The following CAPZB variants were observed in gnomAD, a reference collection of about 807,000 sequenced individuals.
The protein encoded by CAPZB is capping actin protein of muscle Z-line subunit beta, also known as F-actin-capping protein subunit beta.
Under a neutral mutation model 38.1 loss-of-function variants are expected in CAPZB, and 2 were observed. That is an observed-to-expected ratio of 0.05 (90% confidence interval 0.02 to 0.17). The LOEUF is 0.17. Among genes scored for constraint, CAPZB ranks in the 10% least tolerant of loss-of-function variants. CAPZB has a pLI of 1.00. For synonymous variants in CAPZB, 107 were observed against 127.4 expected (o/e 0.84, Z 1.08); for missense variants, 161 against 334.2 (o/e 0.48, Z 4.04).
chr1:19,426,568 T>C (rs1231312761), intron 1 of CAPZB, among the ~76,000 whole-genome samples: 13 of 152,140 alleles, frequency 8.5e-5, no homozygotes, highest in Admixed American at 7.2e-4. Context: ...GGCTTCTCCC[T>C]GCCTGCTAAA....
At position 19,384,270 on chromosome 1, in the gene CAPZB, C is replaced by T. The variant is rs111790029; in HGVS notation, c.215+1235G>A. ...ACTGCCCTCCCCTCACTGCCTTCTC[C>T]ACCTCTGGCCTTCTGCCAGCTCCAT... On this transcript the variant is annotated intron_variant, in intron 3 of 8. Coordinates refer to ENST00000264202, the MANE Select transcript of CAPZB (RefSeq NM_004930.5). 4.6e-3 allele frequency among the ~76,000 whole-genome samples: 704 copies of T among 152,284 alleles called. 7 individuals carry two copies. The highest frequency in any genetic ancestry group is 0.016 in the African/African-American group (663 of 41,544).
intron 2 of CAPZB, among the ~76,000 whole-genome samples, chr1:19,412,709 TG>T (rs1360008684): frequency 1.3e-5 from 2 of 152,136 alleles, no homozygotes; most frequent in Non-Finnish European, 2.9e-5. Context: ...ATGAGTACTT[TG>T]GGGAAAGAAT....
intron 4 of CAPZB, among the ~76,000 whole-genome samples, chr1:19,375,422 G>A (rs1310539236): frequency 1.3e-5 from 2 of 152,040 alleles, no homozygotes; most frequent in Non-Finnish European, 2.9e-5. Context: ...TGGCCCCACT[G>A]CCCCTGCACA....
chr1:19,352,904 C>T (rs1193457906), intron 6 of CAPZB, among the ~76,000 whole-genome samples: 28 of 152,250 alleles, frequency 1.8e-4, no homozygotes, highest in South Asian at 2.1e-4. Context: ...AGGAGAGTGG[C>T]GCTCTGCCCC....
At chr1:19,396,292 AGGTTCTGAT>A (rs1173172334) in intron 2 of CAPZB, among the ~76,000 whole-genome samples, 2 of 152,304 alleles carry the variant, frequency 1.3e-5, no homozygotes, top group East Asian at 3.9e-4. Context: ...CACTTGGGTC[AGGTTCTGAT>A]CTTTTGAAGC....
Position 19,462,211 on chromosome 1 carries a change from G to A in CAPZB, c.3+23225C>T, listed in dbSNP as rs188563724. 1.9e-3 allele frequency among the ~76,000 whole-genome samples: 295 copies of A among 152,020 alleles called. 2 individuals are homozygous for A. Among genetic ancestry groups the A allele is most frequent in the African/African-American group, 6.8e-3 (282 of 41,444 alleles). ...CTCATGCCTGTAATACTAGCACTTTGGGAGGCCGAGGCAGGTGGATCACGA... is the reference window on the plus strand; with the variant it reads ...CTCATGCCTGTAATACTAGCACTTTAGGAGGCCGAGGCAGGTGGATCACGA... On this transcript the variant is annotated intron_variant, in intron 1 of 8. Coordinates refer to ENST00000264202, the MANE Select transcript of CAPZB (RefSeq NM_004930.5).
chr1:19,451,995 TC>T (rs2094517788), intron 1 of CAPZB, among the ~76,000 whole-genome samples: 2 of 152,130 alleles, frequency 1.3e-5, no homozygotes, highest in African/African-American at 4.8e-5. Context: ...GTACCAACCC[TC>T]CCCCACTTTG....
intron 2 of CAPZB, among the ~76,000 whole-genome samples, chr1:19,395,624 T>C (rs973748325): frequency 6.6e-6 from 1 of 152,200 alleles, no homozygotes; most frequent in African/African-American, 2.4e-5. Flanking sequence ...AAGGCTCCTG[T>C]TGTCCACATG....
chr1:19,370,666 T>A (rs1020698169), intron 4 of CAPZB, among the ~76,000 whole-genome samples: 1 of 152,144 alleles, frequency 6.6e-6, no homozygotes, highest in Admixed American at 6.5e-5. Flanking sequence ...GTCACTCTTA[T>A]CAGGGAGTGG....
intron 6 of CAPZB, among the ~76,000 whole-genome samples, chr1:19,354,827 C>T (rs576287773): frequency 6.1e-4 from 93 of 152,338 alleles, no homozygotes; most frequent in African/African-American, 2.2e-3. Flanking sequence ...GGATTTTCCA[C>T]CCACTCCCCA....
chr1:19,411,005 C>T (rs2094354864), intron 2 of CAPZB, among the ~76,000 whole-genome samples: 2 of 152,102 alleles, frequency 1.3e-5, no homozygotes, highest in African/African-American at 2.4e-5. Flanking sequence ...AATAATGAGA[C>T]CCATCTGTCA....
intron 2 of CAPZB, among the ~76,000 whole-genome samples, chr1:19,416,204 T>C (rs1378141918): frequency 6.6e-6 from 1 of 152,274 alleles, no homozygotes; most frequent in East Asian, 1.9e-4. Context: ...TTCTCCATAA[T>C]ATACCTATGT....
chr1:19,373,654 C>A (rs1237110466), intron 4 of CAPZB, among the ~76,000 whole-genome samples: 4 of 152,006 alleles, frequency 2.6e-5, no homozygotes, highest in Admixed American at 2.6e-4. Flanking sequence ...TATCTCTTTA[C>A]CAATGTCTCC....
At chr1:19,446,490 A>G (rs1336346239) in intron 1 of CAPZB, among the ~76,000 whole-genome samples, 1 of 152,064 alleles carries the variant, frequency 6.6e-6, no homozygotes, top group Non-Finnish European at 1.5e-5. Flanking sequence ...AAATGGGTGC[A>G]ATTCTCTTAG....
chr1:19,396,011 C>T (rs1045905394), intron 2 of CAPZB, among the ~76,000 whole-genome samples: 2 of 152,246 alleles, frequency 1.3e-5, no homozygotes, highest in Non-Finnish European at 2.9e-5. Flanking sequence ...CCTTTCTTCC[C>T]CGTGTTCCAC....
In CAPZB at chr1:19,485,456, C is replaced by CGGT; in HGVS notation, c.-21_-19dup. On this transcript the variant is annotated 5_prime_UTR_variant, in exon 1 of 9. Transcript: ENST00000264202. ...TTTACCATGGTGGCGGCGGCGGCGG[C>CGGT]GGTCCCGGTCCCGGCGTCAGTGGCT... 1 of 1,228,032 alleles carries CGGT rather than the reference C, an allele frequency of 8.1e-7. No individual in the cohort carries two copies. Among genetic ancestry groups the CGGT allele is most frequent in the Non-Finnish European group, 1.0e-6 (1 of 985,848 alleles). The allele number at this position is 1,228,032 out of a possible 1,614,324, so 76.1% of individuals were successfully genotyped here.
intron 1 of CAPZB, among the ~76,000 whole-genome samples, chr1:19,462,652 A>C (rs898015120): frequency 3.3e-5 from 5 of 152,154 alleles, no homozygotes; most frequent in Non-Finnish European, 7.3e-5. Flanking sequence ...GAAACAACAT[A>C]TTCACCTATT....
chr1:19,449,482 C>T (rs906169632), intron 1 of CAPZB, among the ~76,000 whole-genome samples: 5 of 152,032 alleles, frequency 3.3e-5, no homozygotes, highest in African/African-American at 9.7e-5. Context: ...AACCCAGGTT[C>T]GTAAAGAAAA....
intron 2 of CAPZB, among the ~76,000 whole-genome samples, chr1:19,393,722 G>A (rs1184198910): frequency 6.6e-6 from 1 of 152,266 alleles, no homozygotes; most frequent in Admixed American, 6.5e-5. Context: ...GCCCGGTCAC[G>A]GCAGACCCAA....
Sources: allele counts gnomAD v4.1 joint callset (sites outside exome capture counted in the v4.1 genomes callset), GRCh38; gene constraint gnomAD v4.1.1; transcripts MANE v1.5; gene names NCBI Gene and HGNC (gene_info 2026-07-23, HGNC 2026-07-21).